NTM: variants seen among roughly 807,000 people sequenced by gnomAD.
NTM encodes the protein neurotrimin.
In NTM, 13 loss-of-function variants were observed where a neutral mutation model predicts 42.1. That is an observed-to-expected ratio of 0.31 (90% CI 0.20 to 0.49). The LOEUF is 0.49. Among genes scored for constraint, NTM ranks in the 20% least tolerant of loss-of-function variants. The pLI is 0.99. For missense variants in NTM, 373 were observed against 452.8 expected, an observed-to-expected ratio of 0.82 and a Z score of 1.60; for synonymous variants, 187 against 179.2, an observed-to-expected ratio of 1.04 and a Z score of -0.35.
At chr11:132,076,625 A>G (rs957643244) in intron 2 of NTM, among the ~76,000 whole-genome samples, 2 of 152,232 alleles carry the variant, frequency 1.3e-5, no homozygotes, top group Admixed American at 1.3e-4. Context: ...GAACGACTTA[A>G]GACTTAAGAG....
In NTM at chr11:131,556,111, AAGAC is replaced by A. The variant is rs567883881; in HGVS notation, c.82+185235_82+185238del. On this transcript the variant is annotated intron_variant, in intron 1 of 8. Transcript: ENST00000683400. Reference sequence around the variant, plus strand: ...TGGTGGAGACATGCCCTTGGAACCGAAGACAGACAGACAGAAGATTTGAAAAAAG... The same window carrying A: ...TGGTGGAGACATGCCCTTGGAACCGAAGACAGACAGAAGATTTGAAAAAAG... 5.2e-3 allele frequency among the ~76,000 whole-genome samples: 797 copies of A among 152,318 alleles called. 7 individuals carry two copies. The highest frequency in any genetic ancestry group is 0.018 in the African/African-American group (735 of 41,562).
chr11:132,117,676 G>A (rs182173455), intron 2 of NTM, among the ~76,000 whole-genome samples: 1 of 152,096 alleles, frequency 6.6e-6, no homozygotes. Flanking sequence ...GGAATTTATT[G>A]GTCTGCATTG....
chr11:131,866,788 T>TAA (rs528692700), intron 1 of NTM, among the ~76,000 whole-genome samples: 1 of 152,022 alleles, frequency 6.6e-6, no homozygotes, highest in African/African-American at 2.4e-5. Context: ...GCATTTTTCT[T>TAA]AAAAAAAAGT....
chr11:132,243,639 T>A (rs1173633588), intron 4 of NTM, among the ~76,000 whole-genome samples: 1 of 152,192 alleles, frequency 6.6e-6, no homozygotes, highest in Non-Finnish European at 1.5e-5. Context: ...ATTTGTTTCC[T>A]TTGCTGAAAA....
chr11:131,634,707 T>C (rs2134161978), intron 1 of NTM, among the ~76,000 whole-genome samples: 1 of 152,316 alleles, frequency 6.6e-6, no homozygotes, highest in African/African-American at 2.4e-5. Context: ...GCTCCAGTCT[T>C]TGTGAACTTT....
intron 1 of NTM, among the ~76,000 whole-genome samples, chr11:131,746,317 A>G (rs1338333619): frequency 2.0e-5 from 3 of 152,160 alleles, no homozygotes; most frequent in Admixed American, 2.0e-4. Flanking sequence ...CGGGATTTGG[A>G]CGCATGCTGT....
chr11:131,915,144 C>T lies in NTM; in HGVS notation c.167+3496C>T, dbSNP rs190657191. Among the ~76,000 whole-genome samples, 455 of 152,250 alleles carry T rather than the reference C, an allele frequency of 3.0e-3. 4 individuals carry two copies. Among genetic ancestry groups the T allele is most frequent in the South Asian group, 0.021 (101 of 4,818 alleles). Reference sequence around the variant, plus strand: ...CCTCTCTGAAATAGACAATTATTCCCGGTTAAGGCCTAGAGAGGGGGAACT... The same window carrying T: ...CCTCTCTGAAATAGACAATTATTCCTGGTTAAGGCCTAGAGAGGGGGAACT... On this transcript the variant is annotated intron_variant, in intron 2 of 8. Transcript: ENST00000683400.
chr11:132,134,757 A>ATCTATATC (rs111260161), intron 2 of NTM, among the ~76,000 whole-genome samples: 11 of 97,322 alleles, frequency 1.1e-4, no homozygotes, highest in South Asian at 3.7e-4. Flanking sequence ...ATATATATAT[A>ATCTATATC]TATCTCACAT....
chr11:131,906,879 T>C (rs1040223420), intron 1 of NTM, among the ~76,000 whole-genome samples: 6 of 152,158 alleles, frequency 3.9e-5, no homozygotes. Flanking sequence ...AATCCTAACA[T>C]GTTGGACTAT....
chr11:131,572,359 CT>C (rs2057525803), intron 1 of NTM, among the ~76,000 whole-genome samples: 1 of 152,134 alleles, frequency 6.6e-6, no homozygotes, highest in East Asian at 1.9e-4. Flanking sequence ...TATTTGCCCC[CT>C]AAGGACACTC....
At chr11:132,033,534 TGAGATCTGACTAGCAGAA>T (rs927393086) in intron 2 of NTM, among the ~76,000 whole-genome samples, 1 of 152,104 alleles carries the variant, frequency 6.6e-6, no homozygotes, top group Non-Finnish European at 1.5e-5. Context: ...TCACAAACAT[TGAGATCTGACTAGCAGAA>T]GGAACTGCCT....
At chr11:131,906,242 GTCTC>G (rs1480192049) in intron 1 of NTM, among the ~76,000 whole-genome samples, 3 of 152,078 alleles carry the variant, frequency 2.0e-5, no homozygotes, top group African/African-American at 4.8e-5. Context: ...TCCTCTGGGG[GTCTC>G]TCTCTCGGCC....
At chr11:131,376,873 A>T (rs1157431852) in intron 1 of NTM, among the ~76,000 whole-genome samples, 1 of 152,132 alleles carries the variant, frequency 6.6e-6, no homozygotes, top group Non-Finnish European at 1.5e-5. Flanking sequence ...GTTCAATCAC[A>T]TCCAAGTGTT....
intron 1 of NTM, among the ~76,000 whole-genome samples, chr11:131,727,787 C>T (rs909109794): frequency 1.3e-5 from 2 of 152,186 alleles, no homozygotes; most frequent in African/African-American, 4.8e-5. Flanking sequence ...GCTCATTATG[C>T]AAAGCCCAGT....
intron 2 of NTM, among the ~76,000 whole-genome samples, chr11:131,987,865 A>T (rs542090639): frequency 2.0e-5 from 3 of 152,240 alleles, no homozygotes; most frequent in Non-Finnish European, 1.5e-5. Context: ...AGCATGTGCT[A>T]TATGCCAGCC....
intron 1 of NTM, among the ~76,000 whole-genome samples, chr11:131,466,551 C>A (rs1436552537): frequency 6.6e-6 from 1 of 152,156 alleles, no homozygotes; most frequent in African/African-American, 2.4e-5. Context: ...TGTGTGCTAG[C>A]CCTTCCTCAG....
At chr11:131,375,414 G>A (rs1241568510) in intron 1 of NTM, among the ~76,000 whole-genome samples, 1 of 152,152 alleles carries the variant, frequency 6.6e-6, no homozygotes, top group East Asian at 1.9e-4. Flanking sequence ...CATAAAAAAA[G>A]AAAGCATGCA....
chr11:131,921,309 G>A (rs541413260), intron 2 of NTM, among the ~76,000 whole-genome samples: 3 of 152,306 alleles, frequency 2.0e-5, no homozygotes, highest in Admixed American at 6.5e-5. Flanking sequence ...CCTATGTGGA[G>A]ACACAGAAGA....
At chr11:131,679,414 G>T (rs1002690609) in intron 1 of NTM, among the ~76,000 whole-genome samples, 1 of 152,052 alleles carries the variant, frequency 6.6e-6, no homozygotes, top group African/African-American at 2.4e-5. Context: ...CATTTTTACG[G>T]CCTTTAGAAG....
Sources: allele counts gnomAD v4.1 joint callset (sites outside exome capture counted in the v4.1 genomes callset), GRCh38; gene constraint gnomAD v4.1.1; transcripts MANE v1.5; gene names NCBI Gene and HGNC (gene_info 2026-07-23, HGNC 2026-07-21).